The following KAZN variants were observed in gnomAD, a reference collection of about 807,000 sequenced individuals.
KAZN encodes kazrin.
KAZN carries 40 observed loss-of-function variants against 87.4 expected under a neutral mutation model. The ratio of observed to expected loss-of-function variants is 0.46; its 90% CI spans 0.36 to 0.60. KAZN has a LOEUF of 0.60. KAZN is among the 20% of genes least tolerant of loss of function. KAZN has a pLI of 0.00. For synonymous variants in KAZN, 466 were observed against 458.3 expected, an observed-to-expected ratio of 1.02 and a Z score of -0.22; for missense variants, 898 against 1,073.9, an observed-to-expected ratio of 0.84 and a Z score of 2.29.
chr1:14,044,507 G>A (rs1454202646), intron 1 of KAZN, among the ~76,000 whole-genome samples: 1 of 152,054 alleles, frequency 6.6e-6, no homozygotes, highest in Non-Finnish European at 1.5e-5. Flanking sequence ...TACTGATGAA[G>A]AGCGGATGAA....
chr1:14,968,588 C>T (rs1485441365), intron 2 of KAZN, among the ~76,000 whole-genome samples: 2 of 152,184 alleles, frequency 1.3e-5, no homozygotes, highest in African/African-American at 2.4e-5. Context: ...ACGTGAGGGT[C>T]ATCTGTTTCC....
intron 2 of KAZN, among the ~76,000 whole-genome samples, chr1:14,352,069 G>A (rs1243111786): frequency 6.6e-6 from 1 of 152,134 alleles, no homozygotes; most frequent in African/African-American, 2.4e-5. Flanking sequence ...CTCTATTGCA[G>A]TTATCTCTTG....
chr1:14,115,562 T>C (rs1307416345), intron 1 of KAZN, among the ~76,000 whole-genome samples: 1 of 149,808 alleles, frequency 6.7e-6, no homozygotes, highest in Non-Finnish European at 1.5e-5. Context: ...CATGTGGAAC[T>C]GTAAGTCCAT....
chr1:14,584,801 C>T (rs1675756600), intron 2 of KAZN, among the ~76,000 whole-genome samples: 3 of 152,090 alleles, frequency 2.0e-5, no homozygotes, highest in Non-Finnish European at 4.4e-5. Flanking sequence ...TGCACCACCA[C>T]GCCTGGCTAA....
At chr1:14,774,559 CT>C (rs747866694) in intron 1 of KAZN, among the ~76,000 whole-genome samples, 1 of 151,738 alleles carries the variant, frequency 6.6e-6, no homozygotes, top group Non-Finnish European at 1.5e-5. Flanking sequence ...TAACCTTGAC[CT>C]CCTGGGCTCA....
intron 8 of KAZN, among the ~76,000 whole-genome samples, chr1:15,085,684 C>T (rs1368376089): frequency 6.6e-6 from 1 of 152,154 alleles, no homozygotes; most frequent in Non-Finnish European, 1.5e-5. Flanking sequence ...TCCTATTGGT[C>T]AGTGAAGGTT....
chr1:14,845,632 C>T (rs983814934), intron 1 of KAZN, among the ~76,000 whole-genome samples: 4 of 152,058 alleles, frequency 2.6e-5, no homozygotes, highest in Admixed American at 6.6e-5. Context: ...TTTGCATGCC[C>T]TTGATGAGCT....
intron 2 of KAZN, among the ~76,000 whole-genome samples, chr1:14,571,585 T>C (rs368569705): frequency 2.0e-5 from 3 of 152,266 alleles, no homozygotes; most frequent in East Asian, 1.9e-4. Context: ...TTCTGGCAAA[T>C]TGGTCAGAGG....
chr1:14,073,609 T>G (rs1643331215), intron 1 of KAZN, among the ~76,000 whole-genome samples: 1 of 152,130 alleles, frequency 6.6e-6, no homozygotes, highest in South Asian at 2.1e-4. Context: ...GTCCATGTGT[T>G]CTCATTGTTC....
At chr1:15,050,145 TAATAGAATAG>T (rs1674184914) in intron 4 of KAZN, among the ~76,000 whole-genome samples, 1 of 102,404 alleles carries the variant, frequency 9.8e-6, no homozygotes, top group Non-Finnish European at 1.8e-5. Flanking sequence ...CTCAATAGAA[TAATAGAATAG>T]AATGGAATAG....
chr1:14,386,516 C>G (rs967614554), intron 2 of KAZN, among the ~76,000 whole-genome samples: 3 of 151,658 alleles, frequency 2.0e-5, no homozygotes, highest in Non-Finnish European at 2.9e-5. Flanking sequence ...CTGGTGGTGA[C>G]AAAATCTCTC....
intron 7 of KAZN, among the ~76,000 whole-genome samples, chr1:15,065,094 C>T (rs563948437): frequency 7.5e-6 from 1 of 134,100 alleles, no homozygotes; most frequent in African/African-American, 3.1e-5. Context: ...TGCAGTGGCG[C>T]GATCCTGGCT....
chr1:14,776,722 T>A (rs1198162659), intron 1 of KAZN, among the ~76,000 whole-genome samples: 4 of 151,510 alleles, frequency 2.6e-5, no homozygotes, highest in Admixed American at 2.6e-4. Context: ...AGCTCGGGAG[T>A]TGGAGACCAA....
chr1:15,063,750 G>T (rs1040782926), intron 7 of KAZN, 128 bp downstream of exon 7: 1 of 767,910 alleles, frequency 1.3e-6, no homozygotes, highest in Non-Finnish European at 2.3e-6. Flanking sequence ...TGCCACTTCC[G>T]CTGAGCCCAC....
At chr1:13,894,432 G>A (rs1323263836) in intron 1 of KAZN, among the ~76,000 whole-genome samples, 1 of 152,034 alleles carries the variant, frequency 6.6e-6, no homozygotes, top group Non-Finnish European at 1.5e-5. Context: ...GGATGGCTTG[G>A]TGCAAATAGT....
chr1:14,975,230 A>T (rs889933876), intron 2 of KAZN, among the ~76,000 whole-genome samples: 2 of 152,234 alleles, frequency 1.3e-5, no homozygotes, highest in African/African-American at 4.8e-5. Flanking sequence ...GCATTCCAGG[A>T]ACAGGCAGAG....
intron 1 of KAZN, among the ~76,000 whole-genome samples, chr1:14,061,631 G>C (rs1215116748): frequency 6.6e-6 from 1 of 152,220 alleles, no homozygotes; most frequent in Non-Finnish European, 1.5e-5. Flanking sequence ...ATGTGTTCCT[G>C]TCCATCTTCC....
At chr1:14,951,305 T>A (rs1308321896) in intron 1 of KAZN, among the ~76,000 whole-genome samples, 2 of 152,102 alleles carry the variant, frequency 1.3e-5, no homozygotes, top group Non-Finnish European at 2.9e-5. Flanking sequence ...GATTCTTCCT[T>A]TCAGAACTCC....
rs143281844 is a variant in KAZN, at chr1:13,935,862, A to ATGTG, written c.91+42142_91+42145dup. Reference sequence around the variant, plus strand: ...TGTGGATAATTACTTTTACATCCTAATGTGTGTGTGTGTGTGTGTGTGTGT... The same window carrying ATGTG: ...TGTGGATAATTACTTTTACATCCTAATGTGTGTGTGTGTGTGTGTGTGTGTGTGT... On this transcript the variant is annotated intron_variant, in intron 1 of 16. Transcript: ENST00000636203. 7.0e-3 allele frequency among the ~76,000 whole-genome samples: 868 copies of ATGTG among 124,214 alleles called. 1 individual carries two copies. The highest frequency in any genetic ancestry group is 0.013 in the East Asian group (48 of 3,808). The allele number at this position is 124,214 out of a possible 152,430, so 81.5% of individuals were successfully genotyped here. A position where few individuals can be genotyped will look rare whatever the true frequency, so the allele number is the denominator to read the frequency against.
Sources: allele counts gnomAD v4.1 joint callset (sites outside exome capture counted in the v4.1 genomes callset), GRCh38; gene constraint gnomAD v4.1.1; transcripts MANE v1.5; gene names NCBI Gene and HGNC (gene_info 2026-07-23, HGNC 2026-07-21).